The following CHIC2 variants were observed in gnomAD, a reference collection of about 807,000 sequenced individuals.
The protein encoded by CHIC2 is cysteine-rich hydrophobic domain-containing protein 2.
In CHIC2, 14 loss-of-function variants were observed where a neutral mutation model predicts 25.9. The observed-to-expected ratio is 0.54, with a 90% CI of 0.36 to 0.85. The LOEUF is 0.85. Among genes scored for constraint, CHIC2 ranks in the 40% least tolerant of loss-of-function variants. The pLI, the probability that CHIC2 is intolerant of heterozygous loss-of-function variation, is 0.01. For synonymous variants in CHIC2, 70 were observed against 72.0 expected (o/e 0.97, Z 0.14); for missense variants, 146 against 202.0 (o/e 0.72, Z 1.68).
At chr4:54,084,977 A>AT in the CHIC2 span, among the ~76,000 whole-genome samples, 1 of 151,128 alleles carries the variant, frequency 6.6e-6, no homozygotes, top group African/African-American at 2.4e-5. Flanking sequence ...AAAAAAAAAA[A>AT]AAAATCAAAC....
chr4:54,029,852 C>T (rs1293526158), intron 3 of CHIC2, among the ~76,000 whole-genome samples: 1 of 152,236 alleles, frequency 6.6e-6, no homozygotes, highest in African/African-American at 2.4e-5. Flanking sequence ...GCTTATGATT[C>T]CCCCAGGTTC....
intron 3 of CHIC2, among the ~76,000 whole-genome samples, chr4:54,036,997 A>G (rs560995921): frequency 6.6e-6 from 1 of 152,298 alleles, no homozygotes; most frequent in African/African-American, 2.4e-5. Flanking sequence ...TATAATAAAC[A>G]TTATTCAGCA....
intron 3 of CHIC2, among the ~76,000 whole-genome samples, chr4:54,043,149 C>T (rs894209159): frequency 6.6e-6 from 1 of 152,104 alleles, no homozygotes; most frequent in Non-Finnish European, 1.5e-5. Flanking sequence ...CGGCCAGGCG[C>T]GGTGGCTCAC....
At chr4:54,011,869 A>G (rs1229488769) in intron 5 of CHIC2, among the ~76,000 whole-genome samples, 2 of 151,892 alleles carry the variant, frequency 1.3e-5, no homozygotes, top group Non-Finnish European at 2.9e-5. Context: ...TTCAAATTAT[A>G]ATCAAGGATA....
upstream of CHIC2, among the ~76,000 whole-genome samples, chr4:54,069,491 C>T (rs1294866435): frequency 2.0e-5 from 3 of 152,212 alleles, no homozygotes; most frequent in Non-Finnish European, 4.4e-5. Context: ...TGTAATCCTC[C>T]ACGTGTTCAG....
intron 3 of CHIC2, among the ~76,000 whole-genome samples, chr4:54,047,917 G>A (rs4864840): frequency 1 from 151,718 of 152,182 alleles, 75,627 homozygotes; most frequent in Middle Eastern, 1. Flanking sequence ...TACAATTTTT[G>A]AAAATTTTAA....
At chr4:54,076,981 A>T in the CHIC2 span, 1 of 151,848 alleles carries the variant, frequency 6.6e-6, no homozygotes, top group Non-Finnish European at 1.5e-5. Context: ...TTAAAAATTT[A>T]AAAAAAGAAA....
chr4:54,064,547 A>T lies in CHIC2; in HGVS notation c.-247T>A, dbSNP rs1260877936. On this transcript the variant is annotated 5_prime_UTR_variant, in exon 1 of 6. Coordinates refer to ENST00000263921, the MANE Select transcript of CHIC2 (RefSeq NM_012110.4). The surrounding 1 kb of genome is among the most constrained non-coding windows in gnomAD (Gnocchi z 4.2). ...AATGTCAACATCCGCCCAGAGGCCG[A>T]CACCTCCACAAGCACAGACGCCGCT... 3.9e-5 allele frequency: 53 copies of T among 1,345,780 alleles called. No individual in the cohort carries two copies. The highest frequency in any genetic ancestry group is 6.7e-6 in the Non-Finnish European group (7 of 1,052,322). 83.4% of individuals were successfully genotyped at this position (1,345,780 alleles called of 1,614,324 possible). A position where few individuals can be genotyped will look rare whatever the true frequency, so the allele number is the denominator to read the frequency against.
At chr4:54,053,404 A>T (rs1460022207) in intron 1 of CHIC2, among the ~76,000 whole-genome samples, 1 of 152,168 alleles carries the variant, frequency 6.6e-6, no homozygotes, top group Non-Finnish European at 1.5e-5. Flanking sequence ...TAAAAATGCA[A>T]AAATAGCTGG....
chr4:54,055,174 A>G (rs1482247850), intron 1 of CHIC2, among the ~76,000 whole-genome samples: 1 of 152,136 alleles, frequency 6.6e-6, no homozygotes, highest in Non-Finnish European at 1.5e-5. Context: ...GATTCTTGCT[A>G]TGTTGCCCAG....
intron 3 of CHIC2, among the ~76,000 whole-genome samples, chr4:54,045,981 T>C (rs1716772633): frequency 6.6e-6 from 1 of 152,032 alleles, no homozygotes; most frequent in Non-Finnish European, 1.5e-5. Flanking sequence ...GGTGCAAAAA[T>C]CACAAGCATT....
At chr4:54,048,223 C>G (rs996063907) in intron 3 of CHIC2, among the ~76,000 whole-genome samples, 4 of 152,312 alleles carry the variant, frequency 2.6e-5, no homozygotes, top group African/African-American at 9.6e-5. Flanking sequence ...CTTCTGACCT[C>G]AAGTGATCCG....
At chr4:54,043,169 C>G (rs1716643015) in intron 3 of CHIC2, among the ~76,000 whole-genome samples, 1 of 152,114 alleles carries the variant, frequency 6.6e-6, no homozygotes, top group East Asian at 1.9e-4. Flanking sequence ...CGCCTGTAAT[C>G]CCAGCACTTT....
At chr4:54,069,290 A>G (rs1717574220), upstream of CHIC2, among the ~76,000 whole-genome samples, 1 of 152,216 alleles carries the variant, frequency 6.6e-6, no homozygotes, top group South Asian at 2.1e-4. Context: ...GGTCTCCAAA[A>G]AGTACTGAGA....
At chr4:54,078,652 A>T in the CHIC2 span, among the ~76,000 whole-genome samples, 1 of 151,940 alleles carries the variant, frequency 6.6e-6, no homozygotes, top group East Asian at 2.0e-4. Flanking sequence ...AGTAGCTGGG[A>T]TTACAGGCAT....
At chr4:54,026,869 T>C (rs1013159561) in intron 3 of CHIC2, among the ~76,000 whole-genome samples, 1 of 152,254 alleles carries the variant, frequency 6.6e-6, no homozygotes, top group African/African-American at 2.4e-5. Context: ...ATTTCAATTA[T>C]ATTTTACATA....
At chr4:54,039,334 G>A (rs572697783) in intron 3 of CHIC2, among the ~76,000 whole-genome samples, 111 of 152,230 alleles carry the variant, frequency 7.3e-4, no homozygotes, top group African/African-American at 2.4e-3. Flanking sequence ...GTATCTGCCA[G>A]GGGACTTATT....
At chr4:54,044,058 G>T (rs919246071) in intron 3 of CHIC2, among the ~76,000 whole-genome samples, 2 of 152,114 alleles carry the variant, frequency 1.3e-5, no homozygotes, top group African/African-American at 4.8e-5. Flanking sequence ...AGACAAAGAA[G>T]GCCATTACAT....
chr4:54,050,132 G>T (rs1424846603), intron 1 of CHIC2, among the ~76,000 whole-genome samples: 1 of 152,112 alleles, frequency 6.6e-6, no homozygotes, highest in African/African-American at 2.4e-5. Context: ...CACATTCCAT[G>T]CAACACTTCA....
Sources: gnomAD v4.1 joint callset for allele counts (sites outside exome capture counted in the v4.1 genomes callset) on GRCh38, gnomAD v4.1.1 for gene constraint, Gnocchi (gnomAD v3.1) non-coding constraint, MANE v1.5 for transcripts, NCBI Gene and HGNC (gene_info 2026-07-23, HGNC 2026-07-21) for gene names.